TBC1D21: variants seen among roughly 807,000 people sequenced by gnomAD.
The protein encoded by TBC1D21 is male germ cell Rab GTPase-activating protein.
TBC1D21 carries 38 observed loss-of-function variants against 46.0 expected under a neutral mutation model. That is an observed-to-expected ratio of 0.83 (90% CI 0.64 to 1.08). TBC1D21 has a LOEUF of 1.08. Ranked by LOEUF, TBC1D21 falls within the 50% of genes least tolerant of loss-of-function variation. The pLI is 0.00. For missense variants in TBC1D21, 415 were observed against 417.9 expected, an observed-to-expected ratio of 0.99 and a Z score of 0.06; for synonymous variants, 151 against 157.2, an observed-to-expected ratio of 0.96 and a Z score of 0.29.
chr15:73,897,615 G>C, the TBC1D21 span, among the ~76,000 whole-genome samples: 57 of 152,298 alleles, frequency 3.7e-4, no homozygotes, highest in African/African-American at 1.3e-3. Flanking sequence ...GGACTCCATG[G>C]GGAGGCCTGG....
the TBC1D21 span, chr15:73,909,912 C>T: frequency 6.6e-6 from 1 of 152,214 alleles, no homozygotes; most frequent in Admixed American, 6.5e-5. Flanking sequence ...ATCCCTGGTT[C>T]CAGATGTCTC....
chr15:73,873,853 A>G, intron 1 of TBC1D21, 84 bp downstream of exon 1: 1 of 1,477,648 alleles, frequency 6.8e-7, no homozygotes, highest in Non-Finnish European at 9.3e-7. Context: ...TGGGTAGGAA[A>G]AGCTAGAACC....
chr15:73,907,472 G>T, the TBC1D21 span, among the ~76,000 whole-genome samples: 2 of 152,342 alleles, frequency 1.3e-5, no homozygotes, highest in South Asian at 4.1e-4. Context: ...CTTCCTAGCT[G>T]TGTGATCCTC....
Position 73,873,787 on chromosome 15 carries a change from G to C in TBC1D21, c.60+18G>C, listed in dbSNP as rs2068010357. Reference sequence around the variant, plus strand: ...TCATCCTGGTGCGTGTTCTTTGTCAGCTCTGAGTGCCTCCCTCCCCAGCCT... The same window carrying C: ...TCATCCTGGTGCGTGTTCTTTGTCACCTCTGAGTGCCTCCCTCCCCAGCCT... On this transcript the variant is annotated intron_variant, in intron 1 of 10. Transcript: ENST00000300504. The C allele has an allele frequency of 1.2e-6, 2 of 1,606,956 alleles. No individual in the cohort carries two copies. Among genetic ancestry groups the C allele is most frequent in the East Asian group, 4.5e-5 (2 of 44,732 alleles).
At position 73,886,184 on chromosome 15, in the gene TBC1D21, T is replaced by C. The variant is rs747540767; in HGVS notation, c.676+10T>C. The C allele has an allele frequency of 7.4e-6, 12 of 1,613,188 alleles. No individual in the cohort carries two copies. Among genetic ancestry groups the C allele is most frequent in the African/African-American group, 1.3e-5 (1 of 75,036 alleles). ...TTTGCTGAGCACCTAAGTGAGTGGTTCCCACCTCCTGCCACCTCACGCACC... is the reference window on the plus strand; with the variant it reads ...TTTGCTGAGCACCTAAGTGAGTGGTCCCCACCTCCTGCCACCTCACGCACC... On this transcript the variant is annotated intron_variant, in intron 7 of 10. Transcript: ENST00000300504.
chr15:73,894,880 T>C, the TBC1D21 span, among the ~76,000 whole-genome samples: 2 of 152,170 alleles, frequency 1.3e-5, no homozygotes, highest in Non-Finnish European at 2.9e-5. Flanking sequence ...AGGACTTATT[T>C]CTGGGACCTC....
the TBC1D21 span, among the ~76,000 whole-genome samples, chr15:73,902,007 A>T: frequency 6.6e-6 from 1 of 151,500 alleles, no homozygotes. Flanking sequence ...AGAGATGGGG[A>T]CTCACTTTGT....
downstream of TBC1D21, among the ~76,000 whole-genome samples, chr15:73,890,837 G>A (rs571312314): frequency 2.6e-4 from 39 of 152,264 alleles, no homozygotes; most frequent in African/African-American, 7.5e-4. Context: ...ATGAAGTTTG[G>A]GTGCAGATCC....
In TBC1D21 at chr15:73,876,199, G is replaced by GGTGTTTTTTTTTTTTT. The variant is rs2068057275; in HGVS notation, c.60+2430_60+2431insGTGTTTTTTTTTTTTT. Among the ~76,000 whole-genome samples, 8 of 28,314 alleles carry GGTGTTTTTTTTTTTTT rather than the reference G, an allele frequency of 2.8e-4. 4 individuals carry two copies. Among genetic ancestry groups the GGTGTTTTTTTTTTTTT allele is most frequent in the Non-Finnish European group, 7.5e-4 (4 of 5,336 alleles). 18.6% of individuals were successfully genotyped at this position (28,314 alleles called of 152,430 possible). A position where few individuals can be genotyped will look rare whatever the true frequency, so the allele number is the denominator to read the frequency against. ...GAAGAATCAGTGACTTTTTTTGTGGGTTTTTTTTTTTTTTTTTTTTTTTTT... is the reference window on the plus strand; with the variant it reads ...GAAGAATCAGTGACTTTTTTTGTGGGGTGTTTTTTTTTTTTTTTTTTTTTTTTTTTTTTTTTTTTTT... On this transcript the variant is annotated intron_variant, in intron 1 of 10. Coordinates refer to ENST00000300504, the MANE Select transcript of TBC1D21 (RefSeq NM_153356.3).
chr15:73,904,136 CTTCT>C, the TBC1D21 span, among the ~76,000 whole-genome samples: 1 of 152,222 alleles, frequency 6.6e-6, no homozygotes, highest in Non-Finnish European at 1.5e-5. Context: ...GGAAGTCTTC[CTTCT>C]AAGTCTAGAG....
intron 3 of TBC1D21, among the ~76,000 whole-genome samples, chr15:73,882,516 C>A (rs543065433): frequency 6.6e-6 from 1 of 152,282 alleles, no homozygotes; most frequent in East Asian, 1.9e-4. Context: ...CCACAGTATA[C>A]CTACTCCAAG....
At chr15:73,903,164 C>T in the TBC1D21 span, among the ~76,000 whole-genome samples, 4 of 152,232 alleles carry the variant, frequency 2.6e-5, no homozygotes, top group African/African-American at 9.6e-5. Context: ...AAATCACAAC[C>T]ACCTCTGTGC....
chr15:73,877,118 T>C (rs547536716), intron 1 of TBC1D21, among the ~76,000 whole-genome samples: 97 of 152,362 alleles, frequency 6.4e-4, no homozygotes, highest in African/African-American at 1.9e-3. Context: ...GGTTGATATA[T>C]GTAAAGTGCT....
chr15:73,884,691 G>A, intron 4 of TBC1D21, 90 bp from the exon 5 acceptor site: 3 of 867,100 alleles, frequency 3.5e-6, no homozygotes, highest in East Asian at 5.2e-5. Context: ...ATGTCCTAGG[G>A]CCTGCCCATT....
intron 1 of TBC1D21, 104 bp downstream of exon 1, chr15:73,873,873 C>A: frequency 7.4e-7 from 1 of 1,357,926 alleles, no homozygotes; most frequent in Non-Finnish European, 1.0e-6. Context: ...CCTGAGCTAA[C>A]ATAGAAGGTG....
chr15:73,909,219 A>G, the TBC1D21 span, among the ~76,000 whole-genome samples: 43 of 152,116 alleles, frequency 2.8e-4, no homozygotes, highest in Non-Finnish European at 5.7e-4. Context: ...TAAAAATACA[A>G]AACTTAGCTG....
Position 73,873,654 on chromosome 15 carries a change from T to A in TBC1D21, c.-56T>A. Reference sequence around the variant, plus strand: ...ACCCATCTCCGAAAAGGATTAAGCATCACTAGGGCTCCAAGTGAGTTCTGA... The same window carrying A: ...ACCCATCTCCGAAAAGGATTAAGCAACACTAGGGCTCCAAGTGAGTTCTGA... On this transcript the variant is annotated 5_prime_UTR_variant, in exon 1 of 11. Transcript: ENST00000300504. The A allele has an allele frequency of 6.4e-7, 1 of 1,558,560 alleles. No homozygotes were observed. The highest frequency in any genetic ancestry group is 1.2e-5 in the South Asian group (1 of 85,470).
the TBC1D21 span, among the ~76,000 whole-genome samples, chr15:73,909,387 A>C: frequency 6.6e-6 from 1 of 151,654 alleles, no homozygotes; most frequent in Non-Finnish European, 1.5e-5. Flanking sequence ...AAATCCACAT[A>C]GAGTGCAGCC....
downstream of TBC1D21, chr15:73,889,298 A>G: frequency 1.6e-6 from 1 of 613,378 alleles, no homozygotes; most frequent in East Asian, 3.1e-5. Context: ...ATAGGAAGAG[A>G]GGCTGGCTGG....
Sources: gnomAD v4.1 joint callset for allele counts (sites outside exome capture counted in the v4.1 genomes callset) on GRCh38, gnomAD v4.1.1 for gene constraint, MANE v1.5 for transcripts, NCBI Gene and HGNC (gene_info 2026-07-23, HGNC 2026-07-21) for gene names.